The following LRRFIP1 variants were observed in gnomAD, a reference collection of about 807,000 sequenced individuals.
LRRFIP1 encodes leucine-rich repeat flightless-interacting protein 1.
Under a neutral mutation model 104.4 loss-of-function variants are expected in LRRFIP1, and 62 were observed. The observed-to-expected ratio is 0.59, with a 90% confidence interval of 0.48 to 0.73. The LOEUF is 0.73. Ranked by LOEUF, LRRFIP1 falls within the 30% of genes least tolerant of loss-of-function variation. The probability of loss-of-function intolerance (pLI) is 0.00; values close to 1 mark genes in which losing one functional copy is unlikely to be tolerated. For missense variants in LRRFIP1, 796 were observed against 824.5 expected (o/e 0.97, Z 0.42); for synonymous variants, 300 against 299.0 (o/e 1.00, Z -0.03).
chr2:237,735,307 C>CG lies in LRRFIP1; in HGVS notation c.533dup (p.Ser179GlnfsTer44). ...TGAAGGCAGCTTCGGTGGGACCCGA[C>CG]GGGGCAGCACCTCCGGCTCCCGTGC... On this transcript the variant is annotated frameshift_variant, in exon 10 of 24. Coordinates refer to ENST00000308482, the MANE Select transcript of LRRFIP1 (RefSeq NM_001137550.2). LOFTEE classifies it high-confidence loss of function. This position sits in a 1 kb window ranked among gnomAD's most constrained non-coding sequence, Gnocchi z 4.6. 1 of 1,613,384 alleles carries CG rather than the reference C, an allele frequency of 6.2e-7. No homozygotes were observed. The highest frequency in any genetic ancestry group is 8.5e-7 in the Non-Finnish European group (1 of 1,179,830).
chr2:237,734,792 C>G (rs1290562586), intron 9 of LRRFIP1, among the ~76,000 whole-genome samples: 1 of 152,180 alleles, frequency 6.6e-6, no homozygotes, highest in East Asian at 1.9e-4. Context: ...ACCAATTACT[C>G]TTTCTTCTAC....
At chr2:237,681,678 C>CTTTTTTTTTTTTTT (rs1172576547) in intron 1 of LRRFIP1, among the ~76,000 whole-genome samples, 5,348 of 44,702 alleles carry the variant, frequency 0.12, 1,743 homozygotes, top group Non-Finnish European at 0.16. Flanking sequence ...CAGTCCTATT[C>CTTTTTTTTTTTTTT]TTTTTTTTTT....
intron 16 of LRRFIP1, among the ~76,000 whole-genome samples, chr2:237,756,509 A>G (rs1052614755): frequency 6.6e-5 from 10 of 152,352 alleles, no homozygotes; most frequent in African/African-American, 2.2e-4. Context: ...TTATGACCTC[A>G]TTTAACCTTA....
At position 237,729,286 on chromosome 2, in the gene LRRFIP1, G is replaced by A. The variant is rs553484455; in HGVS notation, c.444+1351G>A. On this transcript the variant is annotated intron_variant, in intron 8 of 23. Transcript: ENST00000308482. The stretch of plus-strand genomic sequence containing the variant: ...CGTAAAGATGGCCTTCAGGGCATTT[G>A]CACTCTGTGGATAAGGGCTCTCCAG... Among the ~76,000 whole-genome samples the A allele has an allele frequency of 6.6e-5, 10 of 152,360 alleles. No homozygotes were observed. In the East Asian group the frequency reaches 1.9e-3, roughly 29 times the overall value.
At chr2:237,666,779 GTCTCTTTCTTTCTCTT>G (rs1208178776) in intron 1 of LRRFIP1, among the ~76,000 whole-genome samples, 1 of 144,772 alleles carries the variant, frequency 6.9e-6, no homozygotes, top group Non-Finnish European at 1.5e-5. Context: ...CTTTCTCTCT[GTCTCTTTCTTTCTCTT>G]TCTCTTTCTT....
At chr2:237,659,560 AC>A (rs2087461052) in intron 1 of LRRFIP1, among the ~76,000 whole-genome samples, 1 of 148,500 alleles carries the variant, frequency 6.7e-6, no homozygotes, top group South Asian at 2.1e-4. Context: ...TACCAAAAAA[AC>A]TATATATAAT....
intron 1 of LRRFIP1, among the ~76,000 whole-genome samples, chr2:237,670,629 C>A (rs145003984): frequency 6.6e-6 from 1 of 152,186 alleles, no homozygotes; most frequent in Non-Finnish European, 1.5e-5. Flanking sequence ...CCCAACACAG[C>A]GCCTGCAGGG....
chr2:237,713,540 T>TC (rs148191812), intron 2 of LRRFIP1, among the ~76,000 whole-genome samples: 2,645 of 152,242 alleles, frequency 0.017, 79 homozygotes, highest in African/African-American at 0.06. Flanking sequence ...TCACATGTGT[T>TC]CCCCCATATA....
intron 1 of LRRFIP1, 89 bp downstream of exon 1, chr2:237,627,829 G>C: frequency 1.1e-6 from 1 of 880,132 alleles, no homozygotes. Flanking sequence ...CGTCTGTCCC[G>C]CTGTGCGTCT....
At chr2:237,640,838 C>T (rs1254158427) in intron 1 of LRRFIP1, among the ~76,000 whole-genome samples, 1 of 152,170 alleles carries the variant, frequency 6.6e-6, no homozygotes, top group Non-Finnish European at 1.5e-5. Context: ...AGCCCGAGAA[C>T]CTGCAGTCTC....
At chr2:237,764,661 G>A (rs2060144817) in intron 19 of LRRFIP1, 39 of 988,520 alleles carry the variant, frequency 3.9e-5, no homozygotes, top group Non-Finnish European at 4.7e-5. Flanking sequence ...CAGCCAAATA[G>A]CAAATAGGTC....
At chr2:237,697,717 G>A (rs377686665) in intron 1 of LRRFIP1, among the ~76,000 whole-genome samples, 2 of 152,344 alleles carry the variant, frequency 1.3e-5, no homozygotes, top group East Asian at 1.9e-4. Flanking sequence ...ACAGTCTTGA[G>A]CAGAGCAGGC....
At chr2:237,732,102 A>G (rs1356622544) in intron 8 of LRRFIP1, among the ~76,000 whole-genome samples, 2 of 152,220 alleles carry the variant, frequency 1.3e-5, no homozygotes, top group Middle Eastern at 3.4e-3. Context: ...CTGTGCGTGA[A>G]CTCAAAAGTC....
intron 15 of LRRFIP1, among the ~76,000 whole-genome samples, chr2:237,755,012 G>A (rs1378748428): frequency 1.3e-5 from 2 of 152,214 alleles, no homozygotes; most frequent in Non-Finnish European, 2.9e-5. Context: ...AAAGGAAGTG[G>A]GCGAACAGAA....
chr2:237,689,234 G>T (rs915089007), intron 1 of LRRFIP1, among the ~76,000 whole-genome samples: 11 of 152,186 alleles, frequency 7.2e-5, no homozygotes, highest in African/African-American at 2.2e-4. Context: ...GGAGGCAACT[G>T]TGGATCCTCT....
chr2:237,662,470 C>T (rs1251600773), intron 1 of LRRFIP1, among the ~76,000 whole-genome samples: 2 of 152,076 alleles, frequency 1.3e-5, no homozygotes, highest in Admixed American at 6.5e-5. Flanking sequence ...GTGGTGTGTG[C>T]CATGTGCTCT....
chr2:237,749,419 G>T (rs886731424), intron 13 of LRRFIP1, 95 bp downstream of exon 13: 79 of 1,446,320 alleles, frequency 5.5e-5, no homozygotes, highest in Non-Finnish European at 7.3e-5. Flanking sequence ...TAAAGTTCTG[G>T]ATCTTTCTTC....
Position 237,766,796 on chromosome 2 carries a change from A to G in LRRFIP1, c.1460-3147A>G, listed in dbSNP as rs574838457. On this transcript the variant is annotated intron_variant, in intron 19 of 23. Transcript: ENST00000308482. The surrounding 1 kb of genome is among the most constrained non-coding windows in gnomAD (Gnocchi z 4.8). Reference sequence around the variant, plus strand: ...TGATTTCAGAGCCTTCATTCTGAGCATCAGTTATATGCTCTCCAGTGTAAT... The same window carrying G: ...TGATTTCAGAGCCTTCATTCTGAGCGTCAGTTATATGCTCTCCAGTGTAAT... Among the ~76,000 whole-genome samples the G allele has an allele frequency of 3.9e-5, 6 of 152,350 alleles. No individual in the cohort carries two copies. In the East Asian group the frequency reaches 1.2e-3, roughly 29 times the overall value.
intron 1 of LRRFIP1, among the ~76,000 whole-genome samples, chr2:237,689,846 A>G (rs1177055870): frequency 2.0e-5 from 3 of 152,206 alleles, no homozygotes; most frequent in Admixed American, 2.0e-4. Flanking sequence ...GACACTAGGC[A>G]GCAGGCTAGC....
Sources: gnomAD v4.1 joint callset for allele counts (sites outside exome capture counted in the v4.1 genomes callset) on GRCh38, gnomAD v4.1.1 for gene constraint, Gnocchi (gnomAD v3.1) non-coding constraint, MANE v1.5 for transcripts, NCBI Gene and HGNC (gene_info 2026-07-23, HGNC 2026-07-21) for gene names.